The following RERE variants were observed in gnomAD, a reference collection of about 807,000 sequenced individuals.
RERE encodes arginine-glutamic acid dipeptide repeats protein.
In RERE, 40 loss-of-function variants were observed where a neutral mutation model predicts 146.1. That is an observed-to-expected ratio of 0.27 (90% CI 0.21 to 0.36). The LOEUF is 0.36. Among genes scored for constraint, RERE ranks in the 10% least tolerant of loss-of-function variants. RERE has a pLI of 1.00. For missense variants in RERE, 1,933 were observed against 2,138.7 expected (o/e 0.90, Z 1.90); for synonymous variants, 1,003 against 866.0 (o/e 1.16, Z -2.78).
chr1:8,613,873 C>G (rs1351103482), intron 4 of RERE, among the ~76,000 whole-genome samples: 1 of 151,868 alleles, frequency 6.6e-6, no homozygotes, highest in African/African-American at 2.4e-5. Context: ...CAAGTGTGAA[C>G]TTTCCTAAAA....
At chr1:8,422,932 G>C in intron 11 of RERE, 125 bp from the exon 12 acceptor site, 3 of 689,220 alleles carry the variant, frequency 4.4e-6, no homozygotes, top group Middle Eastern at 3.9e-4. Flanking sequence ...GAATACTGCC[G>C]AGGCTCGGAG....
chr1:8,490,806 A>G (rs1477162520), intron 10 of RERE, among the ~76,000 whole-genome samples: 1 of 150,570 alleles, frequency 6.6e-6, no homozygotes, highest in Non-Finnish European at 1.5e-5. Flanking sequence ...GAAGCAGAAA[A>G]TGATTATAAG....
chr1:8,364,931 T>C lies in RERE; in HGVS notation c.1448-93A>G. The C allele has an allele frequency of 1.4e-6, 1 of 733,198 alleles. No individual in the cohort carries two copies. Among genetic ancestry groups the C allele is most frequent in the Non-Finnish European group, 2.3e-6 (1 of 427,210 alleles). The allele number at this position is 733,198 out of a possible 1,614,324, so 45.4% of individuals were successfully genotyped here. ...GGGGTGGGGGGGAGGGGGGAACACC[T>C]GTGACCTCTGGCCTACTGCAGGTTC... On this transcript the variant is annotated intron_variant, in intron 13 of 22. Coordinates refer to ENST00000400908, the MANE Select transcript of RERE (RefSeq NM_001042681.2). The surrounding 1 kb of genome is among the most constrained non-coding windows in gnomAD (Gnocchi z 5.1).
chr1:8,477,916 A>G (rs1251780740), intron 10 of RERE, among the ~76,000 whole-genome samples: 1 of 152,232 alleles, frequency 6.6e-6, no homozygotes, highest in East Asian at 1.9e-4. Flanking sequence ...GAGTTGGGAA[A>G]ATATACAAGC....
intron 8 of RERE, among the ~76,000 whole-genome samples, chr1:8,503,060 C>G (rs944715152): frequency 2.0e-5 from 3 of 147,470 alleles, no homozygotes; most frequent in Non-Finnish European, 3.0e-5. Context: ...TCCCCCTCTG[C>G]GAGAAACACC....
rs1224626741 is a variant in RERE, at chr1:8,423,648, T to G, written c.1204-841A>C. On this transcript the variant is annotated intron_variant, in intron 11 of 22. Transcript: ENST00000400908. The surrounding 1 kb of genome is among the most constrained non-coding windows in gnomAD (Gnocchi z 5.4). ...TCCGGGGCGGCAAGAGGCCGTCGCCTGTCACTGGGCTCCGGCTCCACAAAG... is the reference window on the plus strand; with the variant it reads ...TCCGGGGCGGCAAGAGGCCGTCGCCGGTCACTGGGCTCCGGCTCCACAAAG... 43 of 984,478 alleles carry G rather than the reference T, an allele frequency of 4.4e-5. No individual in the cohort carries two copies. The highest frequency in any genetic ancestry group is 4.7e-5 in the Non-Finnish European group (39 of 829,704). The allele number at this position is 984,478 out of a possible 1,614,324, so 61.0% of individuals were successfully genotyped here. A position where few individuals can be genotyped will look rare whatever the true frequency, so the allele number is the denominator to read the frequency against.
intron 1 of RERE, among the ~76,000 whole-genome samples, chr1:8,768,320 G>C (rs1640885432): frequency 1.3e-5 from 2 of 152,176 alleles, no homozygotes; most frequent in South Asian, 4.1e-4. Context: ...TTCTTTCCAG[G>C]AAAGTTGTAT....
chr1:8,787,860 T>C (rs1569797904), intron 1 of RERE, among the ~76,000 whole-genome samples: 1 of 144,854 alleles, frequency 6.9e-6, no homozygotes, highest in South Asian at 2.2e-4. Flanking sequence ...TGTGCTTTGG[T>C]GTATGGTTTT....
At chr1:8,737,714 G>GT (rs1444766302) in intron 1 of RERE, among the ~76,000 whole-genome samples, 1 of 152,030 alleles carries the variant, frequency 6.6e-6, no homozygotes, top group Non-Finnish European at 1.5e-5. Flanking sequence ...AAGATAACAG[G>GT]TGTGAGCCAC....
intron 15 of RERE, 169 bp downstream of exon 15, chr1:8,363,887 A>T: frequency 1.6e-6 from 1 of 640,914 alleles, no homozygotes; most frequent in South Asian, 1.9e-5. Context: ...GAGAACAGAG[A>T]ACTCTTCCCA....
At chr1:8,638,895 T>G (rs1208255964) in intron 2 of RERE, among the ~76,000 whole-genome samples, 1 of 150,574 alleles carries the variant, frequency 6.6e-6, no homozygotes, top group Non-Finnish European at 1.5e-5. Context: ...TGCCTCAGCC[T>G]TCTGAGTAGC....
At chr1:8,671,446 C>T (rs1638715759) in intron 1 of RERE, among the ~76,000 whole-genome samples, 1 of 152,302 alleles carries the variant, frequency 6.6e-6, no homozygotes, top group South Asian at 2.1e-4. Context: ...CGCTGAAGTC[C>T]TTCCTGGCTG....
chr1:8,599,198 G>A (rs894268020), intron 4 of RERE, among the ~76,000 whole-genome samples: 1 of 152,160 alleles, frequency 6.6e-6, no homozygotes, highest in African/African-American at 2.4e-5. Flanking sequence ...TGGTCACTGA[G>A]GTTCACGAGA....
chr1:8,575,787 C>A (rs1161258563), intron 4 of RERE, among the ~76,000 whole-genome samples: 1 of 151,810 alleles, frequency 6.6e-6, no homozygotes, highest in South Asian at 2.1e-4. Flanking sequence ...CAAAATTGTG[C>A]CCTACTTGGC....
At chr1:8,445,983 G>C (rs1644313003) in intron 11 of RERE, among the ~76,000 whole-genome samples, 1 of 152,136 alleles carries the variant, frequency 6.6e-6, no homozygotes, top group Admixed American at 6.5e-5. Flanking sequence ...AATTTGGCAT[G>C]TTTTTGCAGT....
chr1:8,504,350 T>C (rs1645220638), intron 8 of RERE, among the ~76,000 whole-genome samples: 1 of 152,100 alleles, frequency 6.6e-6, no homozygotes. Context: ...AAAGGACAAA[T>C]ACGAAGGAAG....
At chr1:8,498,220 A>C (rs542473034) in intron 8 of RERE, among the ~76,000 whole-genome samples, 3 of 152,012 alleles carry the variant, frequency 2.0e-5, no homozygotes, top group African/African-American at 7.2e-5. Context: ...GTAGCCGAGC[A>C]CGGTGGCGGG....
At chr1:8,759,971 C>A (rs188543437) in intron 1 of RERE, among the ~76,000 whole-genome samples, 1 of 151,776 alleles carries the variant, frequency 6.6e-6, no homozygotes, top group Non-Finnish European at 1.5e-5. Flanking sequence ...AGAAATAATT[C>A]AAAATAAATT....
intron 12 of RERE, among the ~76,000 whole-genome samples, chr1:8,395,015 T>C (rs552572060): frequency 1.3e-5 from 2 of 152,264 alleles, no homozygotes; most frequent in East Asian, 3.9e-4. Flanking sequence ...AAAGAAAACA[T>C]ATTTTAAGGG....
Sources: gnomAD v4.1 joint callset for allele counts (sites outside exome capture counted in the v4.1 genomes callset) on GRCh38, gnomAD v4.1.1 for gene constraint, Gnocchi (gnomAD v3.1) non-coding constraint, MANE v1.5 for transcripts, NCBI Gene and HGNC (gene_info 2026-07-23, HGNC 2026-07-21) for gene names.